The following SGO2 variants were observed in gnomAD, a reference collection of about 807,000 sequenced individuals.
SGO2 encodes the protein shugoshin-like 2.
In SGO2, 68 loss-of-function variants were observed where a neutral mutation model predicts 99.5. The observed-to-expected ratio is 0.68, with a 90% CI of 0.56 to 0.84. The LOEUF is 0.84. Ranked by LOEUF, SGO2 falls within the 40% of genes least tolerant of loss-of-function variation. SGO2 has a pLI of 0.00. For missense variants in SGO2, 1,350 were observed against 1,436.7 expected, an observed-to-expected ratio of 0.94 and a Z score of 0.97; for synonymous variants, 457 against 487.1, an observed-to-expected ratio of 0.94 and a Z score of 0.81.
At chr2:200,560,097 CTGTT>C (rs1559210012) in intron 5 of SGO2, among the ~76,000 whole-genome samples, 1 of 152,028 alleles carries the variant, frequency 6.6e-6, no homozygotes, top group East Asian at 1.9e-4. Context: ...CTTCTGTTGT[CTGTT>C]TATTCTGTCA....
At position 200,573,085 on chromosome 2, in the gene SGO2, G is replaced by A. The variant is rs1054907014; in HGVS notation, c.2739G>A (p.Lys913=). The change falls in exon 7 of 9, where the codon AAG becomes AAA. Residue 913 remains lysine (K), a synonymous_variant. Transcript: ENST00000357799. The part of the protein sequence containing the change: ...INKLRNKVNW[K]TEIISEMNQI... ...AGCTCAGGAATAAAGTGAATTGGAA[G>A]ACAGAAATAATTTCTGAAATGAACC... 2 of 1,577,848 alleles carry A rather than the reference G, an allele frequency of 1.3e-6. No individual in the cohort carries two copies. The highest frequency in any genetic ancestry group is 8.5e-7 in the Non-Finnish European group (1 of 1,170,122).
intron 4 of SGO2, among the ~76,000 whole-genome samples, chr2:200,541,446 A>G (rs994874018): frequency 6.6e-6 from 1 of 152,124 alleles, no homozygotes; most frequent in Admixed American, 6.5e-5. Flanking sequence ...GGAAACTCCA[A>G]TAATAGGCTC....
chr2:200,568,809 T>A (rs911336415), intron 5 of SGO2, among the ~76,000 whole-genome samples: 1 of 152,146 alleles, frequency 6.6e-6, no homozygotes, highest in African/African-American at 2.4e-5. Context: ...TTCTAGTAGT[T>A]GTTTTTTAAA....
At chr2:200,578,981 T>G (rs2033752996) in intron 8 of SGO2, among the ~76,000 whole-genome samples, 1 of 152,168 alleles carries the variant, frequency 6.6e-6, no homozygotes, top group African/African-American at 2.4e-5. Context: ...TCCTGTGTAT[T>G]GTAGGATGTT....
rs2031115646 is a variant in SGO2, at chr2:200,526,759, A to G, written c.-3+507A>G. On this transcript the variant is annotated intron_variant, in intron 1 of 8. Coordinates refer to ENST00000357799, the MANE Select transcript of SGO2 (RefSeq NM_152524.6). This position sits in a 1 kb window ranked among gnomAD's most constrained non-coding sequence, Gnocchi z 4.8. ...TGTACAGGTAGGATTTCAGTAGAGA[A>G]TAGGGACAATGATTTTTTAGATGAG... Among the ~76,000 whole-genome samples the G allele has an allele frequency of 6.6e-6, 1 of 152,110 alleles. No homozygotes were observed. Among genetic ancestry groups the G allele is most frequent in the Admixed American group, 6.5e-5 (1 of 15,282 alleles).
At chr2:200,534,938 A>T in intron 2 of SGO2, 58 bp from the exon 3 acceptor site, 2 of 1,187,396 alleles carry the variant, frequency 1.7e-6, no homozygotes, top group Non-Finnish European at 2.3e-6. Flanking sequence ...ACTAAGGAAT[A>T]TAAAAATTTC....
At chr2:200,544,692 GATCT>G (rs71022322) in intron 5 of SGO2, among the ~76,000 whole-genome samples, 21,700 of 145,722 alleles carry the variant, frequency 0.15, 1,720 homozygotes, top group South Asian at 0.25. Flanking sequence ...TTACTTGGGA[GATCT>G]ATCTATCTAT....
intron 2 of SGO2, among the ~76,000 whole-genome samples, chr2:200,534,660 A>G (rs998839900): frequency 1.3e-5 from 2 of 152,226 alleles, no homozygotes; most frequent in Non-Finnish European, 2.9e-5. Context: ...AGTCAAAGGT[A>G]GGAAATTAGG....
At chr2:200,557,798 A>ATTTG (rs200338264) in intron 5 of SGO2, among the ~76,000 whole-genome samples, 4 of 143,186 alleles carry the variant, frequency 2.8e-5, no homozygotes, top group Non-Finnish European at 6.2e-5. Context: ...CTTTTCTTTT[A>ATTTG]TTTGTTTGTT....
At chr2:200,554,965 G>A (rs2032644703) in intron 5 of SGO2, among the ~76,000 whole-genome samples, 1 of 152,044 alleles carries the variant, frequency 6.6e-6, no homozygotes, top group Non-Finnish European at 1.5e-5. Flanking sequence ...TTATTCCAAT[G>A]TTCAATTTAT....
intron 5 of SGO2, among the ~76,000 whole-genome samples, chr2:200,546,057 T>C (rs1389261977): frequency 6.6e-6 from 1 of 152,056 alleles, no homozygotes; most frequent in Non-Finnish European, 1.5e-5. Context: ...CTAAACCCTT[T>C]GGGACCTCCC....
chr2:200,574,019 GTTTTGTT>G (rs1182918704), intron 7 of SGO2, 42 bp downstream of exon 7: 1 of 1,456,182 alleles, frequency 6.9e-7, no homozygotes, highest in Non-Finnish European at 9.0e-7. Context: ...TTTTAGAAGT[GTTTTGTT>G]TTTTGTTTTC....
At chr2:200,537,093 C>G (rs2031729293) in intron 4 of SGO2, among the ~76,000 whole-genome samples, 2 of 151,900 alleles carry the variant, frequency 1.3e-5, no homozygotes, top group Middle Eastern at 3.4e-3. Context: ...GGAGTGATTC[C>G]TCATTCTCTT....
Position 200,573,420 on chromosome 2 carries a change from ATAT to A in SGO2, c.3077_3079del (p.Ile1026del). ...ATCTCCTTAGAATCTGATTTAAAAC[ATAT>A]TACTAGTGAAGCAGATTCTGATCCA... On this transcript the variant is annotated inframe_deletion, in exon 7 of 9. Coordinates refer to ENST00000357799, the MANE Select transcript of SGO2 (RefSeq NM_152524.6). 6.2e-7 allele frequency: 1 copy of A among 1,607,348 alleles called. No homozygotes were observed. The highest frequency in any genetic ancestry group is 8.5e-7 in the Non-Finnish European group (1 of 1,178,052).
intron 8 of SGO2, among the ~76,000 whole-genome samples, chr2:200,580,274 T>C (rs796421180): frequency 4.6e-4 from 70 of 152,274 alleles, no homozygotes; most frequent in African/African-American, 1.6e-3. Context: ...TTTTTTCCCA[T>C]AATTATTTTA....
chr2:200,546,491 A>G (rs933823137), intron 5 of SGO2, among the ~76,000 whole-genome samples: 3 of 152,110 alleles, frequency 2.0e-5, no homozygotes, highest in African/African-American at 7.2e-5. Context: ...TAGAAACTAC[A>G]GCAGACAAGG....
chr2:200,527,021 A>G (rs2031131719), intron 1 of SGO2, among the ~76,000 whole-genome samples: 1 of 152,206 alleles, frequency 6.6e-6, no homozygotes, highest in South Asian at 2.1e-4. Context: ...TCACATAGCT[A>G]TGAAACGTTG....
Position 200,572,148 on chromosome 2 carries a change from C to T in SGO2, c.1802C>T (p.Pro601Leu). 6.2e-7 allele frequency: 1 copy of T among 1,612,416 alleles called. No individual in the cohort carries two copies. The highest frequency in any genetic ancestry group is 1.1e-5 in the South Asian group (1 of 90,550). ...AAAAAGTATGTCACTGATATTCAAC[C>T]CTCAGAGCAAAATGAATCAAACATT... is the stretch of plus-strand genomic sequence containing the variant. ...DLKKYVTDIQ[P>L]SEQNESNINK... Residue 601 changes from proline to leucine, a missense_variant, in exon 7 of 9, where the codon CCC becomes CTC. Transcript: ENST00000357799.
At chr2:200,581,211 T>C (rs538108995) in intron 8 of SGO2, among the ~76,000 whole-genome samples, 12 of 152,310 alleles carry the variant, frequency 7.9e-5, no homozygotes, top group East Asian at 7.7e-4. Context: ...AAGTTTGATA[T>C]ATATCCATGA....
Sources: gnomAD v4.1 joint callset for allele counts (sites outside exome capture counted in the v4.1 genomes callset) on GRCh38, gnomAD v4.1.1 for gene constraint, Gnocchi (gnomAD v3.1) non-coding constraint, MANE v1.5 for transcripts, NCBI Gene and HGNC (gene_info 2026-07-23, HGNC 2026-07-21) for gene names.